The following ATXN1 variants were observed in gnomAD, a reference collection of about 807,000 sequenced individuals.
The protein encoded by ATXN1 is ataxin 1.
A neutral mutation model predicts 56.4 loss-of-function variants in ATXN1; 8 were observed. That is an observed-to-expected ratio of 0.14 (90% CI 0.08 to 0.26). The LOEUF (loss-of-function observed/expected upper bound fraction) is 0.26, where lower values mean the gene tolerates loss of function less well. Among genes scored for constraint, ATXN1 ranks in the 10% least tolerant of loss-of-function variants. The pLI, the probability that ATXN1 is intolerant of heterozygous loss-of-function variation, is 1.00. For missense variants in ATXN1, 987 were observed against 1,106.5 expected, an observed-to-expected ratio of 0.89 and a Z score of 1.53; for synonymous variants, 514 against 494.6, an observed-to-expected ratio of 1.04 and a Z score of -0.52.
intron 3 of ATXN1, among the ~76,000 whole-genome samples, chr6:16,597,726 C>T (rs1033528661): frequency 6.6e-5 from 10 of 152,214 alleles, no homozygotes; most frequent in African/African-American, 2.2e-4. Flanking sequence ...CAGGCGTGAG[C>T]CACCATGCCT....
chr6:16,331,616 A>G (rs925474513), intron 6 of ATXN1, among the ~76,000 whole-genome samples: 1 of 152,240 alleles, frequency 6.6e-6, no homozygotes, highest in African/African-American at 2.4e-5. Context: ...TGCATATAGT[A>G]GGCCCAGCCA....
chr6:16,461,428 C>A (rs1759993219), intron 6 of ATXN1, among the ~76,000 whole-genome samples: 1 of 152,188 alleles, frequency 6.6e-6, no homozygotes, highest in Admixed American at 6.5e-5. Context: ...TCCAGACCAT[C>A]CAACAAGTAG....
intron 3 of ATXN1, among the ~76,000 whole-genome samples, chr6:16,624,255 G>A (rs952086477): frequency 4.6e-5 from 7 of 151,638 alleles, no homozygotes; most frequent in Admixed American, 6.6e-5. Context: ...GGAGGCTGGG[G>A]CAGGAGGATC....
At chr6:16,456,558 C>A (rs1278163917) in intron 6 of ATXN1, among the ~76,000 whole-genome samples, 1 of 152,184 alleles carries the variant, frequency 6.6e-6, no homozygotes, top group Non-Finnish European at 1.5e-5. Context: ...GCTCCGGGGT[C>A]TCAACAAAAA....
At chr6:16,670,145 C>A (rs750343973) in intron 2 of ATXN1, among the ~76,000 whole-genome samples, 2 of 152,184 alleles carry the variant, frequency 1.3e-5, no homozygotes, top group African/African-American at 4.8e-5. Flanking sequence ...CTGCCTTCCC[C>A]CTTATTCCAC....
chr6:16,742,054 C>G (rs1760357638), intron 2 of ATXN1, among the ~76,000 whole-genome samples: 1 of 151,968 alleles, frequency 6.6e-6, no homozygotes. Flanking sequence ...CCTTCAAACT[C>G]AATAGAAAGC....
intron 4 of ATXN1, among the ~76,000 whole-genome samples, chr6:16,567,696 T>G (rs554235539): frequency 2.6e-5 from 4 of 151,866 alleles, no homozygotes; most frequent in African/African-American, 9.7e-5. Flanking sequence ...TGAGAAGGCA[T>G]ATCTCCAGGA....
intron 6 of ATXN1, among the ~76,000 whole-genome samples, chr6:16,447,435 G>A (rs1050857411): frequency 3.9e-5 from 6 of 152,080 alleles, no homozygotes; most frequent in Non-Finnish European, 8.8e-5. Context: ...TGTTGGCCAG[G>A]TTTGTCTCAA....
At chr6:16,537,274 C>T (rs950940080) in intron 4 of ATXN1, among the ~76,000 whole-genome samples, 10 of 152,186 alleles carry the variant, frequency 6.6e-5, no homozygotes, top group Admixed American at 2.0e-4. Context: ...TGCTATTCTA[C>T]GCAGCAAATC....
At chr6:16,703,076 C>G (rs1254588268) in intron 2 of ATXN1, among the ~76,000 whole-genome samples, 1 of 152,090 alleles carries the variant, frequency 6.6e-6, no homozygotes, top group African/African-American at 2.4e-5. Flanking sequence ...GACTTGGAAC[C>G]AACCCAAATG....
At position 16,712,492 on chromosome 6, in the gene ATXN1, A is replaced by G. The variant is rs186506811; in HGVS notation, c.-615+40741T>C. On this transcript the variant is annotated intron_variant, in intron 2 of 7. Coordinates refer to ENST00000436367, the MANE Select transcript of ATXN1 (RefSeq NM_001128164.2). ...AGTCAGAAGGGGAAGGTATACACCA[A>G]ACAGGAAGACACGAGTGAACTGAAC... is the stretch of plus-strand genomic sequence containing the variant. 1.3e-3 allele frequency among the ~76,000 whole-genome samples: 199 copies of G among 152,302 alleles called. 1 individual carries two copies. The highest frequency in any genetic ancestry group is 7.8e-4 in the Non-Finnish European group (53 of 68,020).
intron 3 of ATXN1, among the ~76,000 whole-genome samples, chr6:16,611,877 T>TTTTTTTA (rs1164687959): frequency 7.2e-6 from 1 of 138,264 alleles, no homozygotes; most frequent in Non-Finnish European, 1.5e-5. Flanking sequence ...TTTTTTTTTT[T>TTTTTTTA]GAGACAGAGT....
intron 6 of ATXN1, among the ~76,000 whole-genome samples, chr6:16,330,936 C>A (rs920348023): frequency 1.3e-5 from 2 of 152,040 alleles, no homozygotes; most frequent in Non-Finnish European, 2.9e-5. Context: ...TTAAAAAAAC[C>A]CTAAAACACT....
chr6:16,460,409 GCAGTGGCTATCTTAGTGT>G (rs1372231854), intron 6 of ATXN1, among the ~76,000 whole-genome samples: 1 of 152,186 alleles, frequency 6.6e-6, no homozygotes, highest in Non-Finnish European at 1.5e-5. Context: ...GGTAGTTGTG[GCAGTGGCTATCTTAGTGT>G]CAGAGGCTAT....
At chr6:16,462,096 A>G (rs1024866255) in intron 6 of ATXN1, among the ~76,000 whole-genome samples, 5 of 152,230 alleles carry the variant, frequency 3.3e-5, no homozygotes, top group Admixed American at 2.6e-4. Flanking sequence ...CACAGAGACA[A>G]GGGAACAGAG....
intron 6 of ATXN1, among the ~76,000 whole-genome samples, chr6:16,443,893 G>A (rs1759575122): frequency 6.6e-6 from 1 of 152,108 alleles, no homozygotes; most frequent in South Asian, 2.1e-4. Flanking sequence ...AAGGAGGGCC[G>A]ATCACAAGGT....
At chr6:16,669,667 C>CTTTTTTTTTTTTTTTTT (rs11356086) in intron 2 of ATXN1, among the ~76,000 whole-genome samples, 1 of 113,132 alleles carries the variant, frequency 8.8e-6, no homozygotes, top group Non-Finnish European at 1.8e-5. Flanking sequence ...ACTGAACAAT[C>CTTTTTTTTTTTTTTTTT]TTTTTTTTTT....
At position 16,327,734 on chromosome 6, in the gene ATXN1, G is replaced by C; in HGVS notation, c.577C>G (p.His193Asp). The C allele has an allele frequency of 6.2e-7, 1 of 1,604,374 alleles. No homozygotes were observed. Among genetic ancestry groups the C allele is most frequent in the Non-Finnish European group, 8.5e-7 (1 of 1,178,162 alleles). ...TGCTGCTGCTGCTGCTCAGCCTTGT[G>C]TCCCGGCGTCTGGCTCAGACTGCCC... Reference protein sequence around the residue: ...NMGSLSQTPGHKAEQQQQQQQ... With the variant: ...NMGSLSQTPGDKAEQQQQQQQ... The change falls in exon 7 of 8, where the codon CAC (histidine) becomes GAC (aspartate). Residue 193 changes from histidine to aspartate, a missense_variant. Physicochemically the swap from His to Asp is moderately conservative, Grantham distance 81 (BLOSUM62 -1). Coordinates refer to ENST00000436367, the MANE Select transcript of ATXN1 (RefSeq NM_001128164.2).
At chr6:16,559,476 T>A (rs1335773075) in intron 4 of ATXN1, among the ~76,000 whole-genome samples, 2 of 152,184 alleles carry the variant, frequency 1.3e-5, no homozygotes, top group East Asian at 3.8e-4. Flanking sequence ...TGTTCTATGT[T>A]CCGATAAGAA....
Sources: allele counts gnomAD v4.1 joint callset (sites outside exome capture counted in the v4.1 genomes callset), GRCh38; gene constraint gnomAD v4.1.1; transcripts MANE v1.5; gene names NCBI Gene and HGNC (gene_info 2026-07-23, HGNC 2026-07-21).